Variants in RSRC1 observed in about 807,000 individuals in gnomAD.
RSRC1 encodes serine/Arginine-related protein 53.
RSRC1 carries 39 observed loss-of-function variants against 49.1 expected under a neutral mutation model. The ratio of observed to expected loss-of-function variants is 0.79; its 90% CI spans 0.61 to 1.04. The LOEUF (loss-of-function observed/expected upper bound fraction) is 1.04. RSRC1 is among the 50% of genes least tolerant of loss of function. The probability of loss-of-function intolerance (pLI) is 0.00; values close to 1 mark genes in which losing one functional copy is unlikely to be tolerated. For missense variants in RSRC1, 388 were observed against 402.4 expected (o/e 0.96, Z 0.31); for synonymous variants, 143 against 130.8 (o/e 1.09, Z -0.63).
intron 5 of RSRC1, among the ~76,000 whole-genome samples, chr3:158,326,201 C>T (rs1729126169): frequency 6.6e-6 from 1 of 152,124 alleles, no homozygotes. Flanking sequence ...TTCCTCTTTT[C>T]CTAACTGAAT....
intron 5 of RSRC1, among the ~76,000 whole-genome samples, chr3:158,336,112 G>C (rs928660364): frequency 6.6e-6 from 1 of 152,194 alleles, no homozygotes; most frequent in Non-Finnish European, 1.5e-5. Flanking sequence ...GGCACATTTT[G>C]CCTACTCACT....
chr3:158,436,033 G>A (rs1282153537), intron 6 of RSRC1, among the ~76,000 whole-genome samples: 1 of 151,742 alleles, frequency 6.6e-6, no homozygotes, highest in Non-Finnish European at 1.5e-5. Context: ...TAAGTAACAT[G>A]AACAGAATTA....
At chr3:158,285,855 T>C (rs1341681186) in intron 4 of RSRC1, among the ~76,000 whole-genome samples, 1 of 152,196 alleles carries the variant, frequency 6.6e-6, no homozygotes, top group Non-Finnish European at 1.5e-5. Flanking sequence ...CAATTTGACT[T>C]CCTCTTTTCC....
rs1411274181 is a variant in RSRC1 at position 158,179,577 on chromosome 3, C to G, written c.321-23495C>G. On this transcript the variant is annotated intron_variant, in intron 3 of 9. Coordinates refer to ENST00000611884, the MANE Select transcript of RSRC1 (RefSeq NM_001271838.2). ...TCTATGTTGTTGTGTATATCAGTAA[C>G]TTGTTCTTCTTATTGCTAAGTAGTA... Among the ~76,000 whole-genome samples, 5 of 152,118 alleles carry G rather than the reference C, an allele frequency of 3.3e-5. No homozygotes were observed. The East Asian group carries it at 9.6e-4, about 29-fold the overall frequency.
chr3:158,401,701 T>A (rs1183310095), intron 6 of RSRC1, among the ~76,000 whole-genome samples: 4 of 151,990 alleles, frequency 2.6e-5, no homozygotes, highest in African/African-American at 9.7e-5. Flanking sequence ...GAAACCGTGA[T>A]ATGTAAGATG....
chr3:158,358,953 A>AC lies in RSRC1; in HGVS notation c.583+4046dup, dbSNP rs1430134198. ...ACACACACACACACACACACACACA[A>AC]CTTATTAATCCATTGATAAAATTTG... On this transcript the variant is annotated intron_variant, in intron 6 of 9. Transcript: ENST00000611884. Among the ~76,000 whole-genome samples the AC allele has an allele frequency of 2.6e-3, 381 of 144,260 alleles. 2 individuals are homozygous for AC. Among genetic ancestry groups the AC allele is most frequent in the South Asian group, 6.8e-3 (31 of 4,546 alleles). The allele number at this position is 144,260 out of a possible 152,430, so 94.6% of individuals were successfully genotyped here.
chr3:158,133,668 A>G (rs2108183905), intron 3 of RSRC1, among the ~76,000 whole-genome samples: 1 of 152,338 alleles, frequency 6.6e-6, no homozygotes, highest in South Asian at 2.1e-4. Flanking sequence ...AACCACACAT[A>G]TGGCGATATA....
At chr3:158,144,057 A>G (rs1207570262) in intron 3 of RSRC1, among the ~76,000 whole-genome samples, 3 of 152,246 alleles carry the variant, frequency 2.0e-5, no homozygotes, top group Admixed American at 1.3e-4. Context: ...GACATTAAAT[A>G]CATAGATTTT....
chr3:158,267,400 A>G (rs867749964), intron 4 of RSRC1, among the ~76,000 whole-genome samples: 6 of 150,562 alleles, frequency 4.0e-5, no homozygotes, highest in African/African-American at 1.2e-4. Flanking sequence ...TTTTCCCCCA[A>G]ATTTGAGAAC....
At chr3:158,415,283 T>A (rs192491877) in intron 6 of RSRC1, among the ~76,000 whole-genome samples, 3 of 152,100 alleles carry the variant, frequency 2.0e-5, no homozygotes, top group Non-Finnish European at 4.4e-5. Context: ...GTTATATAGC[T>A]TTTTTTGTGT....
intron 3 of RSRC1, among the ~76,000 whole-genome samples, chr3:158,126,817 G>C (rs1174214632): frequency 6.6e-6 from 1 of 151,874 alleles, no homozygotes; most frequent in Non-Finnish European, 1.5e-5. Context: ...GATTTGATTT[G>C]TCTTTTGTTC....
chr3:158,474,988 C>T (rs1738305119), intron 7 of RSRC1, among the ~76,000 whole-genome samples: 1 of 152,098 alleles, frequency 6.6e-6, no homozygotes, highest in Admixed American at 6.6e-5. Context: ...GATCTCGGCT[C>T]ATTGCAGCCT....
intron 6 of RSRC1, among the ~76,000 whole-genome samples, chr3:158,377,487 G>A (rs1732437296): frequency 6.6e-6 from 1 of 152,042 alleles, no homozygotes; most frequent in Admixed American, 6.6e-5. Flanking sequence ...TTAAAAGAGT[G>A]TAGTGTCTTC....
chr3:158,213,839 A>C (rs867651626), intron 4 of RSRC1, among the ~76,000 whole-genome samples: 2 of 151,928 alleles, frequency 1.3e-5, no homozygotes, highest in South Asian at 2.1e-4. Context: ...TGTGAAATTC[A>C]TAACTACTTA....
intron 3 of RSRC1, among the ~76,000 whole-genome samples, chr3:158,168,756 CTAGTTTATTAGTTAAT>C (rs2108234521): frequency 6.6e-6 from 1 of 152,064 alleles, no homozygotes; most frequent in East Asian, 1.9e-4. Context: ...GAACTAGTAA[CTAGTTTATTAGTTAAT>C]GTTGGAGGAT....
intron 3 of RSRC1, among the ~76,000 whole-genome samples, chr3:158,167,358 T>G (rs1011245989): frequency 6.6e-6 from 1 of 152,072 alleles, no homozygotes; most frequent in Non-Finnish European, 1.5e-5. Context: ...ACAGAGCTAA[T>G]TTTTGTGTAT....
At chr3:158,396,959 T>C (rs1439415128) in intron 6 of RSRC1, among the ~76,000 whole-genome samples, 1 of 152,120 alleles carries the variant, frequency 6.6e-6, no homozygotes, top group Non-Finnish European at 1.5e-5. Context: ...AACAACAGTT[T>C]AGAAAGGTCA....
At chr3:158,478,518 C>G (rs116198573) in intron 7 of RSRC1, among the ~76,000 whole-genome samples, 2,334 of 150,408 alleles carry the variant, frequency 0.016, 78 homozygotes, top group African/African-American at 0.054. Flanking sequence ...TATTCCTCTC[C>G]CCCCAAATTA....
chr3:158,251,588 G>T (rs1000348696), intron 4 of RSRC1, among the ~76,000 whole-genome samples: 2 of 151,938 alleles, frequency 1.3e-5, no homozygotes, highest in African/African-American at 4.8e-5. Context: ...TTGTAAATTG[G>T]ATTACTTTCT....
Sources: allele counts gnomAD v4.1 joint callset (sites outside exome capture counted in the v4.1 genomes callset), GRCh38; gene constraint gnomAD v4.1.1; transcripts MANE v1.5; gene names NCBI Gene and HGNC (gene_info 2026-07-23, HGNC 2026-07-21).